EGFR: variants seen among roughly 807,000 people sequenced by gnomAD.
EGFR encodes the protein epidermal growth factor receptor.
A neutral mutation model predicts 143.0 loss-of-function variants in EGFR; 58 were observed. The observed-to-expected ratio is 0.41, with a 90% CI of 0.33 to 0.50. The LOEUF is 0.50. EGFR is among the 20% of genes least tolerant of loss of function. The pLI, the probability that EGFR is intolerant of heterozygous loss-of-function variation, is 0.39. For synonymous variants in EGFR, 613 were observed against 594.4 expected (o/e 1.03, Z -0.45); for missense variants, 1,307 against 1,579.0 (o/e 0.83, Z 2.92).
chr7:55,204,406 A>G (rs1788012637), intron 27 of EGFR, among the ~76,000 whole-genome samples: 1 of 150,792 alleles, frequency 6.6e-6, no homozygotes, highest in Admixed American at 6.6e-5. Flanking sequence ...ATAGACATAT[A>G]CACACCACAC....
chr7:55,152,435 C>A, intron 5 of EGFR, 111 bp from the exon 6 acceptor site: 1 of 992,506 alleles, frequency 1.0e-6, no homozygotes, highest in Non-Finnish European at 1.6e-6. Context: ...TCGTTGGAAG[C>A]AAATGTGTCT....
rs150018025 is a variant in EGFR at position 55,118,209 on chromosome 7, A to G, written c.89-24077A>G. On this transcript the variant is annotated intron_variant, in intron 1 of 27. Coordinates refer to ENST00000275493, the MANE Select transcript of EGFR (RefSeq NM_005228.5). ...CTGTTGGAGGACACAGTCTGTTGCA[A>G]TAGGTGACCACTGCTCTGAATCTAT... Among the ~76,000 whole-genome samples, 78 of 152,304 alleles carry G rather than the reference A, an allele frequency of 5.1e-4. No homozygotes were observed. The East Asian group carries it at 0.014, about 28-fold the overall frequency.
In EGFR at chr7:55,156,554, G is replaced by A. The variant is rs771398183; in HGVS notation, c.1028G>A (p.Gly343Asp). 6.2e-7 allele frequency: 1 copy of A among 1,614,212 alleles called. No homozygotes were observed. The highest frequency in any genetic ancestry group is 1.1e-5 in the South Asian group (1 of 91,088). ...CRKVCNGIGI[G>D]EFKDSLSINA... ...GCAGTGTGTAACGGAATAGGTATTG[G>A]TGAATTTAAAGACTCACTCTCCATA... Residue 343 changes from glycine to aspartate, a missense_variant, in exon 9 of 28, where the codon GGT (glycine) becomes GAT (aspartate). This residue lies in a region of EGFR where 311 missense variants were observed against 412.3 expected (regional missense o/e 0.75). Coordinates refer to ENST00000275493, the MANE Select transcript of EGFR (RefSeq NM_005228.5).
At chr7:55,095,721 GACACACACAC>G (rs35578833) in intron 1 of EGFR, among the ~76,000 whole-genome samples, 1 of 148,670 alleles carries the variant, frequency 6.7e-6, no homozygotes, top group African/African-American at 2.5e-5. Flanking sequence ...GATACACACA[GACACACACAC>G]ACACACACAC....
At chr7:55,127,229 T>A (rs990222105) in intron 1 of EGFR, among the ~76,000 whole-genome samples, 1 of 152,138 alleles carries the variant, frequency 6.6e-6, no homozygotes, top group African/African-American at 2.4e-5. Context: ...TTCCAGATAA[T>A]TCTGTCACAA....
chr7:55,205,109 C>A, intron 27 of EGFR, 147 bp from the exon 28 acceptor site: 1 of 1,219,376 alleles, frequency 8.2e-7, no homozygotes, highest in Non-Finnish European at 1.1e-6. Context: ...CTTTCTTTTG[C>A]AGCAACAGCA....
chr7:55,026,882 G>A (rs1382511327), intron 1 of EGFR, among the ~76,000 whole-genome samples: 2 of 148,138 alleles, frequency 1.4e-5, no homozygotes, highest in African/African-American at 2.5e-5. Flanking sequence ...AAAAAAAAGG[G>A]AAAAAAAAAA....
chr7:55,205,711 A>G lies in EGFR; in HGVS notation c.*94A>G, dbSNP rs920921563. 5 of 1,600,360 alleles carry G rather than the reference A, an allele frequency of 3.1e-6. No homozygotes were observed. Among genetic ancestry groups the G allele is most frequent in the Non-Finnish European group, 4.3e-6 (5 of 1,170,818 alleles). ...CCTCCATCCCAACAGCCATGCCCGC[A>G]TTAGCTCTTAGACCCACAGACTGGT... is the stretch of plus-strand genomic sequence containing the variant. On this transcript the variant is annotated 3_prime_UTR_variant, in exon 28 of 28. Transcript: ENST00000275493.
intron 1 of EGFR, among the ~76,000 whole-genome samples, chr7:55,065,096 A>G (rs1789420675): frequency 2.0e-5 from 3 of 152,240 alleles, no homozygotes; most frequent in African/African-American, 7.2e-5. Context: ...AACTCAAGTT[A>G]TCTGAAAAGT....
At chr7:55,166,653 TTGA>T (rs911494580) in intron 15 of EGFR, among the ~76,000 whole-genome samples, 4 of 112,068 alleles carry the variant, frequency 3.6e-5, no homozygotes, top group Middle Eastern at 5.7e-3. Flanking sequence ...GGTGGTGGTG[TTGA>T]TGGTGGTGAG....
intron 1 of EGFR, among the ~76,000 whole-genome samples, chr7:55,022,138 A>G (rs76692262): frequency 0.13 from 19,514 of 152,176 alleles, 1,357 homozygotes; most frequent in Admixed American, 0.18. Context: ...GTCACCTTCC[A>G]TAGAGGCAGC....
At chr7:55,059,599 A>C (rs1478860054) in intron 1 of EGFR, among the ~76,000 whole-genome samples, 1 of 151,858 alleles carries the variant, frequency 6.6e-6, no homozygotes, top group East Asian at 1.9e-4. Flanking sequence ...CTGGCCCTAC[A>C]AGTCCCCTCC....
At chr7:55,201,096 C>T (rs1787826241) in intron 24 of EGFR, 92 bp from the exon 25 acceptor site, 2 of 1,531,508 alleles carry the variant, frequency 1.3e-6, no homozygotes, top group Middle Eastern at 3.7e-4. Flanking sequence ...AACACACAGG[C>T]ACCTGCTGGC....
intron 7 of EGFR, 150 bp downstream of exon 7, chr7:55,154,302 CACAGGCG>C: frequency 1.6e-6 from 2 of 1,284,942 alleles, no homozygotes; most frequent in Non-Finnish European, 2.2e-6. Context: ...CGTCCAGGCA[CACAGGCG>C]AGGGGAGGGG....
chr7:55,032,190 A>C (rs1359475073), intron 1 of EGFR, among the ~76,000 whole-genome samples: 2 of 152,250 alleles, frequency 1.3e-5, no homozygotes, highest in Non-Finnish European at 1.5e-5. Flanking sequence ...AGTTAAGTTT[A>C]AGAGAAGTCT....
intron 1 of EGFR, among the ~76,000 whole-genome samples, chr7:55,092,467 C>T (rs11238350): frequency 0.88 from 134,695 of 152,232 alleles, 59,758 homozygotes; most frequent in East Asian, 0.97. Flanking sequence ...GTGTAGGGCA[C>T]TTGCAATCAA....
At chr7:55,061,260 A>G (rs755699527) in intron 1 of EGFR, among the ~76,000 whole-genome samples, 1 of 152,212 alleles carries the variant, frequency 6.6e-6, no homozygotes, top group African/African-American at 2.4e-5. Context: ...TTCAGCTTTC[A>G]GGTCCCAGCC....
At position 55,181,355 on chromosome 7, in the gene EGFR, C is replaced by G. The variant is rs1786864166; in HGVS notation, c.2346C>G (p.Leu782=). 1 of 1,614,234 alleles carries G rather than the reference C, an allele frequency of 6.2e-7. No homozygotes were observed. ...PHVCRLLGIC[L]TSTVQLITQL... ...TGTGCCGCCTGCTGGGCATCTGCCT[C>G]ACCTCCACCGTGCAGCTCATCACGC... Residue 782 remains leucine, a synonymous_variant, in exon 20 of 28, where the codon CTC becomes CTG. Coordinates refer to ENST00000275493, the MANE Select transcript of EGFR (RefSeq NM_005228.5).
rs886062379 is a variant in EGFR, at chr7:55,165,448, A to C, written c.1880+11A>C. The C allele has an allele frequency of 8.1e-6, 13 of 1,605,250 alleles. No individual in the cohort carries two copies. Among genetic ancestry groups the C allele is most frequent in the Non-Finnish European group, 1.0e-5 (12 of 1,173,932 alleles). The stretch of plus-strand genomic sequence containing the variant: ...AAACTGCACCTACGGGTGAGTGGAA[A>C]GTGAAGGAGAACAGAACATTTCCTC... On this transcript the variant is annotated intron_variant, in intron 15 of 27. Coordinates refer to ENST00000275493, the MANE Select transcript of EGFR (RefSeq NM_005228.5).
Sources: gnomAD v4.1 joint callset for allele counts (sites outside exome capture counted in the v4.1 genomes callset) on GRCh38, gnomAD v4.1.1 for gene constraint, gnomAD v4.1.1 regional missense constraint, MANE v1.5 for transcripts, NCBI Gene and HGNC (gene_info 2026-07-23, HGNC 2026-07-21) for gene names.